The following VPS52 variants were observed in gnomAD, a reference collection of about 807,000 sequenced individuals.
VPS52 encodes the protein vacuolar protein sorting-associated protein 52 homolog.
A neutral mutation model predicts 98.7 loss-of-function variants in VPS52; 56 were observed. The ratio of observed to expected loss-of-function variants is 0.57; its 90% CI spans 0.46 to 0.71. The LOEUF is 0.71. VPS52 is among the 30% of genes least tolerant of loss of function. The pLI is 0.00. For missense variants in VPS52, 742 were observed against 925.9 expected (o/e 0.80, Z 2.58); for synonymous variants, 348 against 346.4 (o/e 1.00, Z -0.05).
At chr6:33,263,930 C>T in intron 15 of VPS52, 51 bp from the exon 16 acceptor site, 1 of 1,612,946 alleles carries the variant, frequency 6.2e-7, no homozygotes, top group Non-Finnish European at 8.5e-7. Flanking sequence ...GTCATCTGGG[C>T]CCCATCTGGC....
At chr6:33,260,510 G>C (rs1211527119) in intron 17 of VPS52, among the ~76,000 whole-genome samples, 1 of 152,060 alleles carries the variant, frequency 6.6e-6, no homozygotes, top group Non-Finnish European at 1.5e-5. Context: ...GCAGCAGCTT[G>C]GCAAAAGTCA....
intron 12 of VPS52, 62 bp downstream of exon 12, chr6:33,266,495 C>T (rs1764322345): frequency 1.3e-6 from 2 of 1,499,536 alleles, no homozygotes; most frequent in East Asian, 2.3e-5. Flanking sequence ...CATGACCCCA[C>T]TATGCTGCTG....
chr6:33,270,779 T>C (rs1455497344), intron 1 of VPS52, among the ~76,000 whole-genome samples: 2 of 151,386 alleles, frequency 1.3e-5, no homozygotes, highest in African/African-American at 4.8e-5. Flanking sequence ...TGAAACCCCG[T>C]CTCTACTAAA....
Position 33,267,743 on chromosome 6 carries a change from A to T in VPS52, c.934-4T>A, listed in dbSNP as rs368439550. On this transcript the variant is annotated splice_polypyrimidine_tract_variant and splice_region_variant and intron_variant, in intron 9 of 19. Transcript: ENST00000445902. The surrounding 1 kb of genome is among the most constrained non-coding windows in gnomAD (Gnocchi z 4.2). ...CTTTCTCAGCGACTTCCTCATACTA[A>T]GGAAAGAGAAAAGAGAACTGATAAC... 9.9e-6 allele frequency: 16 copies of T among 1,612,830 alleles called. No individual in the cohort carries two copies. The African/African-American group carries it at 2.0e-4, about 20-fold the overall frequency.
intron 19 of VPS52, 22 bp from the exon 20 acceptor site, chr6:33,251,009 G>A (rs1422680231): frequency 6.2e-7 from 1 of 1,612,992 alleles, no homozygotes; most frequent in Non-Finnish European, 8.5e-7. Flanking sequence ...AAGTCATTGA[G>A]GGATCAAACC....
Position 33,250,786 on chromosome 6 carries a change from G to T in VPS52, c.*55C>A. The T allele has an allele frequency of 5.0e-6, 8 of 1,585,652 alleles. No individual in the cohort carries two copies. Among genetic ancestry groups the T allele is most frequent in the Non-Finnish European group, 6.0e-6 (7 of 1,163,052 alleles). Reference sequence around the variant, plus strand: ...CCCCAGGTGAAGAAGGGTATGGAATGGGGTGCAGAAGTCCATGGAGATGAC... The same window carrying T: ...CCCCAGGTGAAGAAGGGTATGGAATTGGGTGCAGAAGTCCATGGAGATGAC... On this transcript the variant is annotated 3_prime_UTR_variant, in exon 20 of 20. Transcript: ENST00000445902.
chr6:33,264,055 G>A lies in VPS52; in HGVS notation c.1573C>T (p.Gln525Ter). 1 of 1,614,226 alleles carries A rather than the reference G, an allele frequency of 6.2e-7. No individual in the cohort carries two copies. Among genetic ancestry groups the A allele is most frequent in the Non-Finnish European group, 8.5e-7 (1 of 1,180,044 alleles). Reference protein sequence around the residue: ...EFSSALVSINQTIPNERTMQL... With the variant: ...EFSSALVSIN ...ATGGTCCGTTCATTAGGAATTGTCTGGTTGATACTGACAAGAGCGGAGGAG... is the reference window on the plus strand; with the variant it reads ...ATGGTCCGTTCATTAGGAATTGTCTAGTTGATACTGACAAGAGCGGAGGAG... Residue 525 changes from glutamine to a stop codon, truncating the protein, a stop_gained, in exon 15 of 20, where the codon CAG becomes TAG. Coordinates refer to ENST00000445902, the MANE Select transcript of VPS52 (RefSeq NM_022553.6). LOFTEE classifies it high-confidence loss of function.
chr6:33,260,274 GA>G (rs1287410001), intron 17 of VPS52, among the ~76,000 whole-genome samples: 1 of 151,794 alleles, frequency 6.6e-6, no homozygotes, highest in Non-Finnish European at 1.5e-5. Context: ...CTGTAATCTC[GA>G]ACTCCTGGAT....
intron 17 of VPS52, among the ~76,000 whole-genome samples, chr6:33,253,623 C>T (rs999704266): frequency 2.6e-5 from 4 of 151,374 alleles, no homozygotes; most frequent in Non-Finnish European, 5.9e-5. Context: ...GGTGTGGTGG[C>T]ACACACCTGT....
In VPS52 at chr6:33,268,248, C is replaced by T. The variant is rs1042968458; in HGVS notation, c.700-40G>A. The stretch of plus-strand genomic sequence containing the variant: ...CCAAACACAGGGCATGAAGCTGCAA[C>T]CCTTTTGCTGTATGAGAGGAACTGG... On this transcript the variant is annotated intron_variant, in intron 7 of 19. Transcript: ENST00000445902. This position sits in a 1 kb window ranked among gnomAD's most constrained non-coding sequence, Gnocchi z 4.0. The T allele has an allele frequency of 1.2e-6, 2 of 1,601,802 alleles. No individual in the cohort carries two copies. Among genetic ancestry groups the T allele is most frequent in the Non-Finnish European group, 1.7e-6 (2 of 1,170,174 alleles).
intron 17 of VPS52, among the ~76,000 whole-genome samples, chr6:33,252,489 T>G (rs1330505913): frequency 6.7e-6 from 1 of 149,082 alleles, no homozygotes; most frequent in Non-Finnish European, 1.5e-5. Context: ...CTCGGGAGAC[T>G]GAGGCAAGAG....
chr6:33,264,933 A>G (rs1313006778), intron 12 of VPS52, 33 bp from the exon 13 acceptor site: 1 of 1,560,366 alleles, frequency 6.4e-7, no homozygotes, highest in East Asian at 2.2e-5. Context: ...GAGGATTAAA[A>G]GAGAATGTCA....
intron 2 of VPS52, 45 bp downstream of exon 2, chr6:33,270,154 C>A: frequency 6.2e-7 from 1 of 1,611,752 alleles, no homozygotes; most frequent in Non-Finnish European, 8.5e-7. Flanking sequence ...AGCCCCCATG[C>A]CTCTCAGATT....
chr6:33,264,203 A>G, intron 14 of VPS52, 100 bp from the exon 15 acceptor site: 1 of 1,541,366 alleles, frequency 6.5e-7, no homozygotes, highest in Non-Finnish European at 8.9e-7. Flanking sequence ...ATGTGACTCT[A>G]CCTTCAGTCC....
chr6:33,263,050 A>G (rs758466886), intron 17 of VPS52, among the ~76,000 whole-genome samples: 159 of 152,322 alleles, frequency 1.0e-3, no homozygotes, highest in Admixed American at 2.4e-3. Context: ...TGTTTATAAC[A>G]CAAAGGATAA....
rs9280385 is a variant in VPS52, at chr6:33,256,463, C to CAAAAA, written c.1795-4497_1795-4493dup. ...CTGAGTGACAGAGCAAAACCTGTCT[C>CAAAAA]AAAAAAAAAAAAAAAAAAAAAAAAA... On this transcript the variant is annotated intron_variant, in intron 17 of 19. Coordinates refer to ENST00000445902, the MANE Select transcript of VPS52 (RefSeq NM_022553.6). Among the ~76,000 whole-genome samples, 147 of 83,678 alleles carry CAAAAA rather than the reference C, an allele frequency of 1.8e-3. 14 individuals carry two copies. Among genetic ancestry groups the CAAAAA allele is most frequent in the South Asian group, 2.9e-3 (7 of 2,454 alleles). 54.9% of individuals were successfully genotyped at this position (83,678 alleles called of 152,430 possible).
At chr6:33,251,018 C>T in intron 19 of VPS52, 31 bp from the exon 20 acceptor site, 1 of 1,612,828 alleles carries the variant, frequency 6.2e-7, no homozygotes, top group Non-Finnish European at 8.5e-7. Flanking sequence ...AGGGATCAAA[C>T]CGTAAAATGG....
At chr6:33,270,747 G>C (rs886786818) in intron 1 of VPS52, among the ~76,000 whole-genome samples, 7 of 152,106 alleles carry the variant, frequency 4.6e-5, no homozygotes, top group African/African-American at 7.2e-5. Context: ...TCAGGAGATC[G>C]AGACCATCCT....
In VPS52 at chr6:33,263,564, AG is replaced by A. The variant is rs1453005030; in HGVS notation, c.1729-16del. 6.2e-7 allele frequency: 1 copy of A among 1,614,114 alleles called. No individual in the cohort carries two copies. Among genetic ancestry groups the A allele is most frequent in the Admixed American group, 1.7e-5 (1 of 60,002 alleles). Reference sequence around the variant, plus strand: ...GCAGCCCGCTCCTAAGGGAAGACAAAGGGAAATGTCTAGTTTGGGGAAAGCA... The same window carrying A: ...GCAGCCCGCTCCTAAGGGAAGACAAAGGAAATGTCTAGTTTGGGGAAAGCA... On this transcript the variant is annotated splice_polypyrimidine_tract_variant and intron_variant, in intron 16 of 19. Transcript: ENST00000445902.
Sources: allele counts gnomAD v4.1 joint callset (sites outside exome capture counted in the v4.1 genomes callset), GRCh38; gene constraint gnomAD v4.1.1; non-coding constraint Gnocchi (gnomAD v3.1); transcripts MANE v1.5; gene names NCBI Gene and HGNC (gene_info 2026-07-23, HGNC 2026-07-21).